CEP72: variants seen among roughly 807,000 people sequenced by gnomAD.
CEP72 encodes the protein centrosomal protein 72.
In CEP72, 78 loss-of-function variants were observed where a neutral mutation model predicts 65.7. The ratio of observed to expected loss-of-function variants is 1.19; its 90% CI spans 0.99 to 1.43. The LOEUF is 1.43. Ranked by LOEUF, CEP72 falls within the 40% of genes most tolerant of loss-of-function variation. The pLI is 0.00. For missense variants in CEP72, 914 were observed against 832.9 expected (o/e 1.10, Z -1.20); for synonymous variants, 358 against 351.7 (o/e 1.02, Z -0.20).
At chr5:629,105 T>A (rs889558300) in intron 4 of CEP72, among the ~76,000 whole-genome samples, 1 of 152,282 alleles carries the variant, frequency 6.6e-6, no homozygotes. Flanking sequence ...TCCTGGTCAC[T>A]GCCCTTGGGT....
At chr5:641,083 A>C in intron 9 of CEP72, 2 of 985,456 alleles carry the variant, frequency 2.0e-6, no homozygotes, top group Middle Eastern at 5.2e-4. Flanking sequence ...ATTGGGCCTC[A>C]GGCTCAGCTC....
At position 666,162 on chromosome 5, in the gene CEP72, G is replaced by A. The variant is rs545187541; in HGVS notation, n.592+63G>A. 3.2e-5 allele frequency: 51 copies of A among 1,596,874 alleles called. No homozygotes were observed. The East Asian group carries it at 7.0e-4, about 22-fold the overall frequency. On this transcript the variant is annotated intron_variant and non_coding_transcript_variant, in intron 4 of 4. Transcript: ENST00000514507. ...GGCGACTTAGGGCTGGGCGCGGGCC[G>A]GCCCAGGGCTGCCCTCCCCACGCGT... is the stretch of plus-strand genomic sequence containing the variant.
intron 4 of CEP72, 127 bp from the exon 5 acceptor site, chr5:633,642 G>T (rs546894207): frequency 2.4e-6 from 2 of 849,856 alleles, no homozygotes; most frequent in Non-Finnish European, 3.8e-6. Context: ...ACAGGACCCG[G>T]CTGCCCCACG....
At chr5:613,332 A>G (rs1245038487) in intron 1 of CEP72, among the ~76,000 whole-genome samples, 1 of 150,844 alleles carries the variant, frequency 6.6e-6, no homozygotes, top group Non-Finnish European at 1.5e-5. Flanking sequence ...CCCAGCAGGG[A>G]GGTGGAAGGA....
At chr5:625,857 A>G (rs1736721661) in intron 4 of CEP72, among the ~76,000 whole-genome samples, 1 of 151,484 alleles carries the variant, frequency 6.6e-6, no homozygotes, top group Non-Finnish European at 1.5e-5. Flanking sequence ...TCTTCACAGA[A>G]TCTCTCCTCC....
chr5:619,630 C>G (rs1007934507), intron 2 of CEP72, among the ~76,000 whole-genome samples: 6 of 152,256 alleles, frequency 3.9e-5, no homozygotes, highest in African/African-American at 1.4e-4. Flanking sequence ...ACGTCTGACA[C>G]CAGCTCGGGA....
At chr5:612,695 C>G in intron 1 of CEP72, 1 of 882,196 alleles carries the variant, frequency 1.1e-6, no homozygotes, top group Middle Eastern at 5.9e-4. Flanking sequence ...TCACTGGTTC[C>G]GTGACTGGGG....
chr5:628,467 C>A (rs55811256), intron 4 of CEP72, among the ~76,000 whole-genome samples: 31 of 131,674 alleles, frequency 2.4e-4, no homozygotes, highest in African/African-American at 8.0e-4. Context: ...TGTGCAGCTT[C>A]TGGAGAACTC....
chr5:627,955 CT>C (rs1474999427), intron 4 of CEP72, among the ~76,000 whole-genome samples: 2 of 152,218 alleles, frequency 1.3e-5, no homozygotes, highest in African/African-American at 2.4e-5. Context: ...TGTGGATGCA[CT>C]TTCCTGCTTT....
At chr5:663,744 G>T in intron 2 of CEP72, 1 of 152,558 alleles carries the variant, frequency 6.6e-6, no homozygotes, top group Non-Finnish European at 1.5e-5. Context: ...CGTAGCCACG[G>T]GCTAACAGGC....
chr5:649,962 CGTGGACTGTGAGGT>C (rs1445638470), intron 11 of CEP72, among the ~76,000 whole-genome samples: 473 of 24,910 alleles, frequency 0.019, 13 homozygotes, highest in African/African-American at 0.087. Flanking sequence ...GACTGTGAGG[CGTGGACTGTGAGGT>C]GTGACTGTGA....
At chr5:639,375 C>T (rs1357615126) in intron 8 of CEP72, 151 bp downstream of exon 8, 3 of 864,234 alleles carry the variant, frequency 3.5e-6, no homozygotes, top group Non-Finnish European at 5.2e-6. Flanking sequence ...CTGGGCCCTC[C>T]CTGGCAGTCT....
the CEP72 span, among the ~76,000 whole-genome samples, chr5:673,667 C>T: frequency 6.6e-6 from 1 of 152,234 alleles, no homozygotes; most frequent in Admixed American, 6.5e-5. Context: ...GACCTTGACC[C>T]TCATGGTCAG....
chr5:622,133 G>T lies in CEP72; in HGVS notation c.403+1872G>T, dbSNP rs78728326. Among the ~76,000 whole-genome samples the T allele has an allele frequency of 5.8e-3, 879 of 152,364 alleles. 31 individuals are homozygous for T. The highest frequency in any genetic ancestry group is 0.049 in the Admixed American group (754 of 15,304). On this transcript the variant is annotated intron_variant, in intron 3 of 11. Coordinates refer to ENST00000264935, the MANE Select transcript of CEP72 (RefSeq NM_018140.4). ...CTTGGAGAAGTTTCTGGAGATGCTG[G>T]AAAGAGCTGTCAGCATGCAGCACAC...
chr5:640,183 CT>C (rs1737910572), intron 8 of CEP72, among the ~76,000 whole-genome samples: 1 of 152,206 alleles, frequency 6.6e-6, no homozygotes, highest in Non-Finnish European at 1.5e-5. Flanking sequence ...CTGGTTGCCC[CT>C]TTTCTTGGAG....
chr5:660,123 G>A (rs1246319830), downstream of CEP72: 1 of 152,102 alleles, frequency 6.6e-6, no homozygotes, highest in African/African-American at 2.4e-5. Context: ...CAGCCATGAC[G>A]TGGACATCAC....
intron 3 of CEP72, among the ~76,000 whole-genome samples, chr5:665,765 C>T (rs1739874249): frequency 6.8e-6 from 1 of 147,900 alleles, no homozygotes; most frequent in Admixed American, 6.7e-5. Context: ...ACCCTCCAGG[C>T]TATGCCCCAT....
chr5:665,422 GA>G, intron 3 of CEP72: 13 of 836,540 alleles, frequency 1.6e-5, no homozygotes, highest in Non-Finnish European at 2.4e-5. Context: ...TAAACCCTGG[GA>G]TTTATGCCCC....
the CEP72 span, among the ~76,000 whole-genome samples, chr5:672,211 G>GGA: frequency 2.4e-3 from 370 of 152,138 alleles, 1 homozygote; most frequent in African/African-American, 8.4e-3. Flanking sequence ...CCGGCTGGCC[G>GGA]GGGGGGTGTA....
Sources: gnomAD v4.1 joint callset for allele counts (sites outside exome capture counted in the v4.1 genomes callset) on GRCh38, gnomAD v4.1.1 for gene constraint, MANE v1.5 for transcripts, NCBI Gene and HGNC (gene_info 2026-07-23, HGNC 2026-07-21) for gene names.